Variants in NCKAP5 observed in about 807,000 individuals in gnomAD.
NCKAP5 encodes the protein nck-associated protein 5.
A neutral mutation model predicts 167.0 loss-of-function variants in NCKAP5; 92 were observed. The ratio of observed to expected loss-of-function variants is 0.55; its 90% confidence interval spans 0.47 to 0.66. NCKAP5 has a LOEUF of 0.66. Among genes scored for constraint, NCKAP5 ranks in the 30% least tolerant of loss-of-function variants. NCKAP5 has a pLI of 0.00. For missense variants in NCKAP5, 2,378 were observed against 2,315.0 expected, an observed-to-expected ratio of 1.03 and a Z score of -0.56; for synonymous variants, 891 against 877.4, an observed-to-expected ratio of 1.02 and a Z score of -0.27.
chr2:133,450,511 C>T (rs1691486653), intron 3 of NCKAP5, among the ~76,000 whole-genome samples: 1 of 152,142 alleles, frequency 6.6e-6, no homozygotes, highest in Admixed American at 6.5e-5. Context: ...TGTTAATAAG[C>T]TTATAGCCCT....
chr2:133,274,063 C>T (rs1039432276), intron 4 of NCKAP5, among the ~76,000 whole-genome samples: 5 of 151,466 alleles, frequency 3.3e-5, no homozygotes, highest in Non-Finnish European at 5.9e-5. Flanking sequence ...AGACAAGGAT[C>T]CTTCCATCAC....
chr2:133,211,190 C>T (rs558977240), intron 5 of NCKAP5, among the ~76,000 whole-genome samples: 1 of 152,026 alleles, frequency 6.6e-6, no homozygotes, highest in Non-Finnish European at 1.5e-5. Context: ...AGGTTTTGCT[C>T]AGATACTAAC....
chr2:133,383,524 T>A (rs1243150486), intron 3 of NCKAP5, among the ~76,000 whole-genome samples: 2 of 152,226 alleles, frequency 1.3e-5, no homozygotes, highest in African/African-American at 4.8e-5. Context: ...GCAATAAACA[T>A]ACGTGTGCAT....
chr2:132,707,436 A>G lies in NCKAP5; in HGVS notation c.5713+18191T>C, dbSNP rs187128115. ...AAACTTGAAAGGCAGTCTGGGCCTC[A>G]AGGACTGCAACTCTTGGGCAAGTCC... On this transcript the variant is annotated intron_variant, in intron 19 of 19. Coordinates refer to ENST00000409261, the MANE Select transcript of NCKAP5 (RefSeq NM_207363.3). Among the ~76,000 whole-genome samples, 5 of 152,324 alleles carry G rather than the reference A, an allele frequency of 3.3e-5. No individual in the cohort carries two copies. In the Middle Eastern group the frequency reaches 0.01, roughly 311 times the overall value.
chr2:133,209,362 AAAC>A (rs2086105593), intron 5 of NCKAP5, among the ~76,000 whole-genome samples: 1 of 149,926 alleles, frequency 6.7e-6, no homozygotes, highest in African/African-American at 2.5e-5. Context: ...AGAACAAAGA[AAAC>A]AAATATAAAA....
intron 3 of NCKAP5, among the ~76,000 whole-genome samples, chr2:133,450,796 C>T (rs544182248): frequency 2.0e-4 from 31 of 152,292 alleles, no homozygotes; most frequent in Admixed American, 1.0e-3. Context: ...GACAATAATT[C>T]AACCAAGATC....
At chr2:133,249,009 C>T (rs1364760715) in intron 4 of NCKAP5, among the ~76,000 whole-genome samples, 2 of 152,166 alleles carry the variant, frequency 1.3e-5, no homozygotes, top group Non-Finnish European at 2.9e-5. Flanking sequence ...AGAGATGCCT[C>T]TAAATTCATT....
chr2:132,675,924 A>C (rs972023178), intron 19 of NCKAP5, among the ~76,000 whole-genome samples: 13 of 152,280 alleles, frequency 8.5e-5, no homozygotes, highest in Non-Finnish European at 1.8e-4. Context: ...GTGACTGCAG[A>C]CATATTACTT....
At chr2:133,591,269 T>A in the NCKAP5 span, among the ~76,000 whole-genome samples, 1 of 152,212 alleles carries the variant, frequency 6.6e-6, no homozygotes, top group South Asian at 2.1e-4. Flanking sequence ...GAGCTGAAGT[T>A]GGGCCCATAA....
intron 6 of NCKAP5, among the ~76,000 whole-genome samples, chr2:133,044,446 C>T (rs1028602841): frequency 2.0e-5 from 3 of 152,024 alleles, no homozygotes; most frequent in African/African-American, 7.2e-5. Context: ...AGAAGAGGTA[C>T]TTTAAATAAA....
intron 3 of NCKAP5, among the ~76,000 whole-genome samples, chr2:133,342,209 C>T (rs1683644867): frequency 6.6e-6 from 1 of 151,970 alleles, no homozygotes; most frequent in Non-Finnish European, 1.5e-5. Context: ...AAAGTGGGAT[C>T]TAAACATTCT....
chr2:133,614,594 A>C, the NCKAP5 span, among the ~76,000 whole-genome samples: 1 of 152,188 alleles, frequency 6.6e-6, no homozygotes, highest in South Asian at 2.1e-4. Context: ...AGGGAAGTTT[A>C]GAGAAAAAAG....
At chr2:133,384,385 C>T (rs911335854) in intron 3 of NCKAP5, among the ~76,000 whole-genome samples, 3 of 152,138 alleles carry the variant, frequency 2.0e-5, no homozygotes, top group Non-Finnish European at 4.4e-5. Context: ...GGTATTATTT[C>T]TGAGGTCTCT....
At chr2:132,949,819 C>T (rs1034144760) in intron 8 of NCKAP5, among the ~76,000 whole-genome samples, 23 of 152,184 alleles carry the variant, frequency 1.5e-4, no homozygotes, top group African/African-American at 5.1e-4. Context: ...TTAGGCTGGG[C>T]GCAGTCACTC....
chr2:133,062,716 TAATTTTATTTCTG>T (rs1270904137), intron 6 of NCKAP5, among the ~76,000 whole-genome samples: 14 of 152,340 alleles, frequency 9.2e-5, no homozygotes, highest in African/African-American at 3.4e-4. Context: ...AGTTCACATT[TAATTTTATTTCTG>T]GTGAGATTAA....
In NCKAP5 at chr2:133,469,172, C is replaced by T. The variant is rs1003754422; in HGVS notation, c.69+48286G>A. 3.1e-4 allele frequency among the ~76,000 whole-genome samples: 46 copies of T among 150,218 alleles called. 1 individual carries two copies. The highest frequency in any genetic ancestry group is 6.8e-3 in the Middle Eastern group (2 of 294). On this transcript the variant is annotated intron_variant, in intron 3 of 19. Coordinates refer to ENST00000409261, the MANE Select transcript of NCKAP5 (RefSeq NM_207363.3). ...ACCGGCTTTTCCTTTCCATATTTAG[C>T]GCTTCCTTCAGGAGCTCTTTTAGGG...
intron 2 of NCKAP5, among the ~76,000 whole-genome samples, chr2:133,558,716 A>C (rs1261247999): frequency 6.7e-6 from 1 of 149,532 alleles, no homozygotes; most frequent in Non-Finnish European, 1.5e-5. Flanking sequence ...AAAAAAAAAA[A>C]AAAAAAAAAA....
At chr2:133,171,040 T>C (rs1251988833) in intron 5 of NCKAP5, among the ~76,000 whole-genome samples, 7 of 152,198 alleles carry the variant, frequency 4.6e-5, no homozygotes. Context: ...GAAGAGACTA[T>C]CTGAAGCAAA....
chr2:132,914,754 T>C (rs1694731174), intron 8 of NCKAP5, among the ~76,000 whole-genome samples: 1 of 152,022 alleles, frequency 6.6e-6, no homozygotes, highest in African/African-American at 2.4e-5. Flanking sequence ...ACAAATGAGA[T>C]AGTTTTGTAA....
Sources: allele counts gnomAD v4.1 joint callset (sites outside exome capture counted in the v4.1 genomes callset), GRCh38; gene constraint gnomAD v4.1.1; transcripts MANE v1.5; gene names NCBI Gene and HGNC (gene_info 2026-07-23, HGNC 2026-07-21).